The following ELP4 variants were observed in gnomAD, a reference collection of about 807,000 sequenced individuals.
The protein encoded by ELP4 is elongator complex protein 4.
In ELP4, 51 loss-of-function variants were observed where a neutral mutation model predicts 48.9. The ratio of observed to expected loss-of-function variants is 1.04; its 90% CI spans 0.83 to 1.32. The LOEUF (loss-of-function observed/expected upper bound fraction) is 1.32, where lower values mean the gene tolerates loss of function less well. Among genes scored for constraint, ELP4 ranks in the 40% most tolerant of loss-of-function variants. The pLI is 0.00. For missense variants in ELP4, 519 were observed against 514.6 expected, an observed-to-expected ratio of 1.01 and a Z score of -0.08; for synonymous variants, 210 against 189.2, an observed-to-expected ratio of 1.11 and a Z score of -0.90.
chr11:31,694,755 C>T lies in ELP4; in HGVS notation c.1143+44534C>T, dbSNP rs528830921. 2.3e-4 allele frequency among the ~76,000 whole-genome samples: 35 copies of T among 152,108 alleles called. No individual in the cohort carries two copies. The South Asian group carries it at 4.8e-3, about 21-fold the overall frequency. ...TGACTATAAATTATTTTGGGCAGTA[C>T]GGCCATTTTCACGATATTGATTCTT... On this transcript the variant is annotated intron_variant, in intron 9 of 9. Coordinates refer to ENST00000640961, the MANE Select transcript of ELP4 (RefSeq NM_019040.5).
chr11:31,540,339 A>G (rs1956572127), intron 3 of ELP4, among the ~76,000 whole-genome samples: 1 of 152,238 alleles, frequency 6.6e-6, no homozygotes, highest in Non-Finnish European at 1.5e-5. Context: ...AAATAATGGA[A>G]TAAAAACAAA....
chr11:31,598,659 C>G (rs1489326706), intron 4 of ELP4, among the ~76,000 whole-genome samples: 3 of 151,720 alleles, frequency 2.0e-5, no homozygotes, highest in Non-Finnish European at 4.4e-5. Flanking sequence ...GTGCATGCCA[C>G]AGCACCCAGC....
intron 9 of ELP4, among the ~76,000 whole-genome samples, chr11:31,670,420 T>C (rs1256325070): frequency 6.6e-6 from 1 of 152,224 alleles, no homozygotes; most frequent in East Asian, 1.9e-4. Context: ...TTATGATAAT[T>C]TGAATCATTG....
At chr11:31,545,746 T>C (rs1055903036) in intron 3 of ELP4, among the ~76,000 whole-genome samples, 1 of 152,106 alleles carries the variant, frequency 6.6e-6, no homozygotes, top group Non-Finnish European at 1.5e-5. Context: ...AAGGTCGGGT[T>C]ACCCACAAAG....
chr11:31,789,458 G>C lies in ELP4; in HGVS notation c.*5934G>C, dbSNP rs534503925. ...GTTCCAGGTTTAATTATATGCAAAG[G>C]AATGATACAAACTTGGAACATCAGT... On this transcript the variant is annotated 3_prime_UTR_variant, in exon 10 of 10. Transcript: ENST00000640961. 2.1e-6 allele frequency: 1 copy of C among 467,740 alleles called. No individual in the cohort carries two copies. The highest frequency in any genetic ancestry group is 4.1e-5 in the South Asian group (1 of 24,558). 29.0% of individuals were successfully genotyped at this position (467,740 alleles called of 1,614,324 possible). A position where few individuals can be genotyped will look rare whatever the true frequency, so the allele number is the denominator to read the frequency against.
intron 3 of ELP4, among the ~76,000 whole-genome samples, chr11:31,575,744 A>T (rs1957264424): frequency 6.6e-6 from 1 of 152,228 alleles, no homozygotes; most frequent in South Asian, 2.1e-4. Flanking sequence ...AAATGCTGAG[A>T]GATTTCGTTA....
At position 31,519,343 on chromosome 11, in the gene ELP4, TATA is replaced by T. The variant is rs575116892; in HGVS notation, c.224-707_224-705del. ...AAGATAAATATTAATGTGGAATTTC[TATA>T]ATAATCTTTGTTGTACTTCTGTAGT... On this transcript the variant is annotated intron_variant, in intron 1 of 9. Transcript: ENST00000640961. Among the ~76,000 whole-genome samples, 861 of 152,370 alleles carry T rather than the reference TATA, an allele frequency of 5.7e-3. 11 individuals are homozygous for T. Among genetic ancestry groups the T allele is most frequent in the African/African-American group, 0.02 (828 of 41,590 alleles).
At chr11:31,763,475 T>C (rs1477165847) in intron 9 of ELP4, 1 of 1,611,046 alleles carries the variant, frequency 6.2e-7, no homozygotes. Context: ...TCATACTTAC[T>C]CAAGCAGAAA....
Position 31,786,766 on chromosome 11 carries a change from GA to G in ELP4, c.*3247del. The G allele has an allele frequency of 9.0e-6, 2 of 222,424 alleles. No homozygotes were observed. Among genetic ancestry groups the G allele is most frequent in the Non-Finnish European group, 1.8e-5 (2 of 111,258 alleles). 13.8% of individuals were successfully genotyped at this position (222,424 alleles called of 1,614,324 possible). A position where few individuals can be genotyped will look rare whatever the true frequency, so the allele number is the denominator to read the frequency against. On this transcript the variant is annotated 3_prime_UTR_variant, in exon 10 of 10. Coordinates refer to ENST00000640961, the MANE Select transcript of ELP4 (RefSeq NM_019040.5). ...AGGGTTAGGAGGCATAGCTTTGGGGGAAAAATATTCTAGAAATTCATTGCAG... is the reference window on the plus strand; with the variant it reads ...AGGGTTAGGAGGCATAGCTTTGGGGGAAAATATTCTAGAAATTCATTGCAG...
At chr11:31,582,902 G>T (rs1957413060) in intron 3 of ELP4, among the ~76,000 whole-genome samples, 1 of 152,080 alleles carries the variant, frequency 6.6e-6, no homozygotes, top group Non-Finnish European at 1.5e-5. Flanking sequence ...GGGCGGGGTG[G>T]GGGACAGTGG....
chr11:31,749,589 A>G (rs1022203032), intron 9 of ELP4, among the ~76,000 whole-genome samples: 1 of 152,170 alleles, frequency 6.6e-6, no homozygotes, highest in African/African-American at 2.4e-5. Context: ...TTTAACTTCT[A>G]TGTATACTAT....
chr11:31,534,991 G>C (rs537854317), intron 2 of ELP4, among the ~76,000 whole-genome samples: 2 of 152,244 alleles, frequency 1.3e-5, no homozygotes, highest in East Asian at 3.9e-4. Flanking sequence ...TCCCATAGTT[G>C]TCTCTGCTAG....
intron 3 of ELP4, among the ~76,000 whole-genome samples, chr11:31,543,109 A>C (rs757630471): frequency 6.6e-6 from 1 of 152,208 alleles, no homozygotes; most frequent in Non-Finnish European, 1.5e-5. Flanking sequence ...CCTGGAAAAT[A>C]GACTGGGGAA....
At chr11:31,695,799 A>G (rs1478565173) in intron 9 of ELP4, among the ~76,000 whole-genome samples, 1 of 104,830 alleles carries the variant, frequency 9.5e-6, no homozygotes, top group Admixed American at 1.0e-4. Context: ...TCTGATCCTG[A>G]GCTTTTTTTG....
chr11:31,698,648 A>G (rs1472979755), intron 9 of ELP4, among the ~76,000 whole-genome samples: 2 of 152,072 alleles, frequency 1.3e-5, no homozygotes, highest in African/African-American at 4.8e-5. Context: ...CCTGGCCTCA[A>G]GTGATCCACC....
chr11:31,515,678 A>G (rs1196606207), intron 1 of ELP4, among the ~76,000 whole-genome samples: 2 of 151,698 alleles, frequency 1.3e-5, no homozygotes, highest in African/African-American at 4.8e-5. Flanking sequence ...CCCCACAAAA[A>G]AAAGGAATTG....
At chr11:31,708,173 A>G (rs759705555) in intron 9 of ELP4, among the ~76,000 whole-genome samples, 3 of 152,042 alleles carry the variant, frequency 2.0e-5, no homozygotes, top group Admixed American at 6.6e-5. Flanking sequence ...CTAACTAAAT[A>G]ATTCCTTTTC....
intron 9 of ELP4, among the ~76,000 whole-genome samples, chr11:31,715,580 T>G (rs1162150315): frequency 6.6e-6 from 1 of 152,166 alleles, no homozygotes; most frequent in East Asian, 1.9e-4. Context: ...TTCAAAGTAT[T>G]GTGGAACCAA....
intron 9 of ELP4, among the ~76,000 whole-genome samples, chr11:31,754,167 C>G (rs558584165): frequency 8.2e-4 from 125 of 152,298 alleles, no homozygotes; most frequent in Admixed American, 3.3e-3. Flanking sequence ...CTCACAAAGG[C>G]TGCTACAGTA....
Sources: gnomAD v4.1 joint callset for allele counts (sites outside exome capture counted in the v4.1 genomes callset) on GRCh38, gnomAD v4.1.1 for gene constraint, MANE v1.5 for transcripts, NCBI Gene and HGNC (gene_info 2026-07-23, HGNC 2026-07-21) for gene names.